The following LTN1 variants were observed in gnomAD, a reference collection of about 807,000 sequenced individuals.
LTN1 encodes E3 ubiquitin-protein ligase listerin.
In LTN1, 88 loss-of-function variants were observed where a neutral mutation model predicts 201.2. The observed-to-expected ratio is 0.44, with a 90% CI of 0.37 to 0.52. The LOEUF (loss-of-function observed/expected upper bound fraction) is 0.52, where lower values mean the gene tolerates loss of function less well. Ranked by LOEUF, LTN1 falls within the 20% of genes least tolerant of loss-of-function variation. The probability of loss-of-function intolerance (pLI) is 0.00; values close to 1 mark genes in which losing one functional copy is unlikely to be tolerated. For missense variants in LTN1, 1,752 were observed against 2,038.7 expected (o/e 0.86, Z 2.71); for synonymous variants, 645 against 713.5 (o/e 0.90, Z 1.53).
chr21:28,980,629 T>C (rs539305263), intron 6 of LTN1, among the ~76,000 whole-genome samples: 41 of 150,900 alleles, frequency 2.7e-4, no homozygotes, highest in African/African-American at 9.7e-4. Flanking sequence ...AAAAATGCTG[T>C]GAATAGCTCA....
At chr21:28,985,109 A>C (rs2084687338) in intron 3 of LTN1, among the ~76,000 whole-genome samples, 187 bp from the exon 4 acceptor site, 1 of 152,064 alleles carries the variant, frequency 6.6e-6, no homozygotes, top group Non-Finnish European at 1.5e-5. Context: ...TAATTTATTA[A>C]TTTTTCTTTC....
At chr21:28,955,833 G>C (rs1209671091) in intron 16 of LTN1, among the ~76,000 whole-genome samples, 1 of 144,454 alleles carries the variant, frequency 6.9e-6, no homozygotes, top group Non-Finnish European at 1.5e-5. Context: ...TGAGGCAGGA[G>C]AATCACTTGA....
intron 1 of LTN1, among the ~76,000 whole-genome samples, chr21:28,988,299 T>C (rs554495967): frequency 1.3e-5 from 2 of 151,668 alleles, no homozygotes; most frequent in South Asian, 4.2e-4. Context: ...AAACCCTGTC[T>C]CTACCAAAAA....
intron 18 of LTN1, among the ~76,000 whole-genome samples, chr21:28,949,028 C>A (rs1601175936): frequency 1.3e-5 from 2 of 152,308 alleles, no homozygotes; most frequent in Non-Finnish European, 1.5e-5. Flanking sequence ...TTTAGCTGCA[C>A]ATTTAATGAA....
At chr21:28,941,048 G>C (rs1568834519) in intron 25 of LTN1, among the ~76,000 whole-genome samples, 172 bp downstream of exon 25, 1 of 152,126 alleles carries the variant, frequency 6.6e-6, no homozygotes, top group Admixed American at 6.6e-5. Flanking sequence ...CTGCATTCCA[G>C]CACAGGCAAC....
chr21:28,986,657 T>C lies in LTN1; in HGVS notation c.246+74A>G, dbSNP rs769438685. 9 of 1,172,192 alleles carry C rather than the reference T, an allele frequency of 7.7e-6. No homozygotes were observed. The highest frequency in any genetic ancestry group is 1.1e-5 in the Non-Finnish European group (9 of 802,302). The allele number at this position is 1,172,192 out of a possible 1,614,324, so 72.6% of individuals were successfully genotyped here. ...AATAAATTGTTCATTTTTCTTTACA[T>C]AAAACATGCTAATGACATTTTATTT... On this transcript the variant is annotated intron_variant, in intron 2 of 29. Coordinates refer to ENST00000361371, the MANE Select transcript of LTN1 (RefSeq NM_015565.3). The surrounding 1 kb of genome is among the most constrained non-coding windows in gnomAD (Gnocchi z 4.1).
chr21:28,940,241 A>C (rs1468344521), intron 25 of LTN1, among the ~76,000 whole-genome samples: 1 of 152,180 alleles, frequency 6.6e-6, no homozygotes, highest in East Asian at 1.9e-4. Flanking sequence ...GTGCAGTGGC[A>C]TGATCTCAGC....
At chr21:28,964,604 CAT>C in intron 11 of LTN1, 2 of 1,547,424 alleles carry the variant, frequency 1.3e-6, no homozygotes, top group Non-Finnish European at 1.7e-6. Context: ...CCAGTATGAA[CAT>C]ATCTAATGAA....
chr21:28,945,724 A>G, intron 21 of LTN1, 83 bp downstream of exon 21: 5 of 1,263,734 alleles, frequency 4.0e-6, no homozygotes, highest in Non-Finnish European at 5.5e-6. Context: ...ATCATCACTT[A>G]AAGAATGAGA....
Position 28,967,079 on chromosome 21 carries a change from G to A in LTN1, c.1412C>T (p.Ala471Val). 2.5e-6 allele frequency: 4 copies of A among 1,614,066 alleles called. No homozygotes were observed. Among genetic ancestry groups the A allele is most frequent in the Non-Finnish European group, 3.4e-6 (4 of 1,179,990 alleles). ...AETLSSWEAK[A>V]DTEKDEKTAH... ...TGTTTTTTCATCTTTTTCCGTGTCT[G>A]CTTTGGCTTCCCAGGAACTTAGAGT... The change falls in exon 10 of 30, where the codon GCA becomes GTA. Residue 471 changes from alanine to valine, a missense_variant. Around this residue, in one of 3 missense-constraint regions of LTN1, gnomAD observed 1,211 missense variants for 1,312.8 expected, o/e 0.92. Transcript: ENST00000361371.
chr21:28,949,038 A>T (rs534269841), intron 18 of LTN1, among the ~76,000 whole-genome samples: 1 of 152,322 alleles, frequency 6.6e-6, no homozygotes, highest in African/African-American at 2.4e-5. Flanking sequence ...CATTTAATGA[A>T]TCTTTTTGAT....
intron 13 of LTN1, chr21:28,959,248 A>G (rs982173037): frequency 2.1e-5 from 10 of 476,668 alleles, no homozygotes; most frequent in Middle Eastern, 1.1e-3. Flanking sequence ...ATTTCTTTGA[A>G]TATCAAGTGA....
chr21:28,932,699 T>C (rs1372600003), intron 27 of LTN1, 35 bp from the exon 28 acceptor site: 2 of 1,468,708 alleles, frequency 1.4e-6, no homozygotes, highest in Non-Finnish European at 9.4e-7. Flanking sequence ...GTTTGCCAAA[T>C]TTCTGTCTTT....
At chr21:28,973,240 G>A (rs1199337687) in intron 6 of LTN1, among the ~76,000 whole-genome samples, 1 of 151,522 alleles carries the variant, frequency 6.6e-6, no homozygotes, top group African/African-American at 2.4e-5. Context: ...CCCAGGATTT[G>A]GGAGGCTGAG....
At chr21:28,984,575 T>C in intron 4 of LTN1, 117 bp downstream of exon 4, 1 of 631,064 alleles carries the variant, frequency 1.6e-6, no homozygotes, top group Non-Finnish European at 2.6e-6. Flanking sequence ...AACCTTCAGT[T>C]GGAAATACTC....
At chr21:28,948,073 T>G (rs569315368) in intron 18 of LTN1, among the ~76,000 whole-genome samples, 8 of 145,276 alleles carry the variant, frequency 5.5e-5, no homozygotes, top group Non-Finnish European at 7.6e-5. Context: ...GCACCTGTAA[T>G]CCCAGCTACT....
intron 26 of LTN1, 22 bp downstream of exon 26, chr21:28,936,504 C>G: frequency 6.3e-7 from 1 of 1,580,018 alleles, no homozygotes; most frequent in Non-Finnish European, 8.6e-7. Flanking sequence ...CAAGAAAGAA[C>G]ATAAACACAT....
intron 13 of LTN1, among the ~76,000 whole-genome samples, chr21:28,959,156 C>G (rs1279513105): frequency 6.6e-6 from 1 of 152,118 alleles, no homozygotes; most frequent in Non-Finnish European, 1.5e-5. Flanking sequence ...AATGAGGAAA[C>G]TAAGACATCA....
chr21:28,961,646 C>T (rs1245309058), intron 11 of LTN1: 1 of 152,966 alleles, frequency 6.5e-6, no homozygotes, highest in Non-Finnish European at 1.5e-5. Context: ...AGCTTTATCA[C>T]TAACTAGCCT....
Sources: allele counts gnomAD v4.1 joint callset (sites outside exome capture counted in the v4.1 genomes callset), GRCh38; gene constraint gnomAD v4.1.1; regional missense constraint gnomAD v4.1.1; non-coding constraint Gnocchi (gnomAD v3.1); transcripts MANE v1.5; gene names NCBI Gene and HGNC (gene_info 2026-07-23, HGNC 2026-07-21).